ARHGAP15: variants seen among roughly 807,000 people sequenced by gnomAD.
ARHGAP15 encodes rho GTPase-activating protein 15.
ARHGAP15 carries 51 observed loss-of-function variants against 63.7 expected under a neutral mutation model. That is an observed-to-expected ratio of 0.80 (90% CI 0.64 to 1.01). ARHGAP15 has a LOEUF of 1.01. Among genes scored for constraint, ARHGAP15 ranks in the 50% least tolerant of loss-of-function variants. ARHGAP15 has a pLI of 0.00. For missense variants in ARHGAP15, 560 were observed against 564.6 expected, an observed-to-expected ratio of 0.99 and a Z score of 0.08; for synonymous variants, 191 against 193.8, an observed-to-expected ratio of 0.99 and a Z score of 0.12.
chr2:143,374,720 C>G (rs1245385871), intron 6 of ARHGAP15, among the ~76,000 whole-genome samples: 1 of 152,106 alleles, frequency 6.6e-6, no homozygotes, highest in Non-Finnish European at 1.5e-5. Flanking sequence ...CCAGGCTGGT[C>G]TCAACCTCCT....
At chr2:143,664,710 A>G (rs1163457757) in intron 12 of ARHGAP15, among the ~76,000 whole-genome samples, 3 of 152,234 alleles carry the variant, frequency 2.0e-5, no homozygotes, top group African/African-American at 4.8e-5. Context: ...AATCAAATAG[A>G]CACAATAAAA....
intron 13 of ARHGAP15, chr2:143,703,743 T>G (rs1350173372): frequency 1.6e-5 from 7 of 440,304 alleles, no homozygotes; most frequent in Non-Finnish European, 2.8e-5. Flanking sequence ...TTCAAGGCCC[T>G]TTCAACTAGT....
intron 6 of ARHGAP15, among the ~76,000 whole-genome samples, chr2:143,359,342 C>G (rs1685943619): frequency 6.6e-6 from 1 of 152,124 alleles, no homozygotes; most frequent in African/African-American, 2.4e-5. Context: ...GCTACCAATA[C>G]CCTATTTGTG....
chr2:143,395,017 C>A (rs975279687), intron 6 of ARHGAP15, among the ~76,000 whole-genome samples: 2 of 152,142 alleles, frequency 1.3e-5, no homozygotes, highest in Admixed American at 1.3e-4. Context: ...GTCTGAAAGA[C>A]ACTGTCTTTC....
intron 6 of ARHGAP15, among the ~76,000 whole-genome samples, chr2:143,341,723 A>G (rs755017364): frequency 5.3e-5 from 8 of 152,070 alleles, no homozygotes; most frequent in Admixed American, 2.6e-4. Context: ...ATGTCTCCCA[A>G]TGATTTCCAA....
chr2:143,457,201 C>G (rs1690701626), intron 8 of ARHGAP15, among the ~76,000 whole-genome samples: 1 of 151,950 alleles, frequency 6.6e-6, no homozygotes, highest in Non-Finnish European at 1.5e-5. Flanking sequence ...TACAAATGAG[C>G]ACCAGAATAT....
chr2:143,590,726 G>C (rs1225466239), intron 11 of ARHGAP15, among the ~76,000 whole-genome samples: 3 of 151,784 alleles, frequency 2.0e-5, no homozygotes. Flanking sequence ...TTGAAGGCAG[G>C]GTGTGTCTTT....
intron 2 of ARHGAP15, among the ~76,000 whole-genome samples, chr2:143,172,723 G>A (rs1187936166): frequency 6.6e-6 from 1 of 152,110 alleles, no homozygotes; most frequent in Non-Finnish European, 1.5e-5. Flanking sequence ...GGGATCTGGT[G>A]AGGTGAGATG....
intron 12 of ARHGAP15, among the ~76,000 whole-genome samples, chr2:143,661,338 G>A (rs17285620): frequency 0.024 from 3,615 of 152,152 alleles, 145 homozygotes; most frequent in African/African-American, 0.083. Context: ...TGCCTACCAC[G>A]TTAAGTCGAT....
Position 143,249,197 on chromosome 2 carries a change from A to C in ARHGAP15, c.385-1314A>C, listed in dbSNP as rs1680008579. 2.0e-5 allele frequency among the ~76,000 whole-genome samples: 3 copies of C among 152,308 alleles called. No individual in the cohort carries two copies. The South Asian group carries it at 6.2e-4, about 32-fold the overall frequency. On this transcript the variant is annotated intron_variant, in intron 5 of 13. Transcript: ENST00000295095. ...TCTCCTGAGGTTACTAAATAACAAC[A>C]ACAAAAAAGGTAGATATGCTATCAA...
chr2:143,617,040 C>T (rs372507708), intron 11 of ARHGAP15, among the ~76,000 whole-genome samples: 15 of 152,280 alleles, frequency 9.9e-5, no homozygotes, highest in Middle Eastern at 3.4e-3. Context: ...TTTATTCTTT[C>T]TCTGGAGACC....
At chr2:143,257,216 G>A (rs1021387030) in intron 6 of ARHGAP15, among the ~76,000 whole-genome samples, 6 of 151,936 alleles carry the variant, frequency 3.9e-5, no homozygotes, top group Non-Finnish European at 8.8e-5. Context: ...TTACTAGAGG[G>A]CATAATGCTG....
intron 11 of ARHGAP15, among the ~76,000 whole-genome samples, chr2:143,581,773 G>T (rs2105146067): frequency 6.6e-6 from 1 of 152,292 alleles, no homozygotes; most frequent in East Asian, 1.9e-4. Flanking sequence ...CTATTCTCCG[G>T]CATCTCCCCC....
intron 12 of ARHGAP15, among the ~76,000 whole-genome samples, chr2:143,627,317 A>T (rs1559088671): frequency 6.6e-6 from 1 of 152,172 alleles, no homozygotes; most frequent in African/African-American, 2.4e-5. Context: ...GAGACATATG[A>T]TATTGGACAG....
chr2:143,227,130 A>G (rs1281425030), intron 4 of ARHGAP15, among the ~76,000 whole-genome samples: 1 of 152,232 alleles, frequency 6.6e-6, no homozygotes, highest in African/African-American at 2.4e-5. Context: ...AAACTTATGT[A>G]TATTAATCTC....
At chr2:143,602,455 C>A (rs1301038954) in intron 11 of ARHGAP15, among the ~76,000 whole-genome samples, 7 of 152,126 alleles carry the variant, frequency 4.6e-5, no homozygotes, top group African/African-American at 1.7e-4. Context: ...GAGGGGAGGA[C>A]AGGAGGGAAC....
At chr2:143,429,935 A>G (rs1689307877) in intron 6 of ARHGAP15, among the ~76,000 whole-genome samples, 1 of 152,128 alleles carries the variant, frequency 6.6e-6, no homozygotes, top group Non-Finnish European at 1.5e-5. Flanking sequence ...AGCTGAGAAT[A>G]TAACACCCTC....
chr2:143,762,096 TGTTA>T (rs1049630568), intron 13 of ARHGAP15, among the ~76,000 whole-genome samples: 7 of 152,176 alleles, frequency 4.6e-5, no homozygotes, highest in African/African-American at 1.2e-4. Context: ...CCTTTTTTTC[TGTTA>T]GTTAAGCATT....
chr2:143,290,247 T>TC (rs1682323306), intron 6 of ARHGAP15, among the ~76,000 whole-genome samples: 1 of 151,732 alleles, frequency 6.6e-6, no homozygotes, highest in Admixed American at 6.6e-5. Context: ...AAATAGAAGA[T>TC]CTAAGTATTG....
Sources: gnomAD v4.1 joint callset for allele counts (sites outside exome capture counted in the v4.1 genomes callset) on GRCh38, gnomAD v4.1.1 for gene constraint, MANE v1.5 for transcripts, NCBI Gene and HGNC (gene_info 2026-07-23, HGNC 2026-07-21) for gene names.